The following SORCS1 variants were observed in gnomAD, a reference collection of about 807,000 sequenced individuals.
The protein encoded by SORCS1 is VPS10 domain-containing receptor SorCS1.
Under a neutral mutation model 146.1 loss-of-function variants are expected in SORCS1, and 60 were observed. The observed-to-expected ratio is 0.41, with a 90% CI of 0.33 to 0.51. SORCS1 has a LOEUF of 0.51. Ranked by LOEUF, SORCS1 falls within the 20% of genes least tolerant of loss-of-function variation. The pLI, the probability that SORCS1 is intolerant of heterozygous loss-of-function variation, is 0.21. For missense variants in SORCS1, 1,352 were observed against 1,487.6 expected (o/e 0.91, Z 1.50); for synonymous variants, 637 against 584.0 (o/e 1.09, Z -1.31).
In SORCS1 at chr10:106,634,423, T is replaced by C. The variant is rs537679003; in HGVS notation, c.2476-5035A>G. Among the ~76,000 whole-genome samples the C allele has an allele frequency of 7.2e-5, 11 of 152,360 alleles. No homozygotes were observed. The East Asian group carries it at 1.9e-3, about 27-fold the overall frequency. ...GGAGATAGAAAGGACAGATGTTATT[T>C]ATGTTTGATATAACAGAAAAACTGG... is the stretch of plus-strand genomic sequence containing the variant. On this transcript the variant is annotated intron_variant, in intron 18 of 25. Coordinates refer to ENST00000263054, the MANE Select transcript of SORCS1 (RefSeq NM_052918.5).
At chr10:106,806,496 A>G in intron 3 of SORCS1, among the ~76,000 whole-genome samples, 5 of 145,460 alleles carry the variant, frequency 3.4e-5, no homozygotes, top group African/African-American at 5.1e-5. Context: ...TTCTGATGAG[A>G]GAGGAAGCCT....
At chr10:107,043,455 C>T (rs1712283671) in intron 1 of SORCS1, among the ~76,000 whole-genome samples, 1 of 152,138 alleles carries the variant, frequency 6.6e-6, no homozygotes, top group African/African-American at 2.4e-5. Context: ...ATAAGGGAAA[C>T]AGGCAATAAC....
At chr10:106,664,806 CTGAT>C (rs572225528) in intron 17 of SORCS1, among the ~76,000 whole-genome samples, 1 of 151,996 alleles carries the variant, frequency 6.6e-6, no homozygotes, top group African/African-American at 2.4e-5. Context: ...ACTTCCTTGA[CTGAT>C]TGAGCTGGTT....
intron 6 of SORCS1, among the ~76,000 whole-genome samples, chr10:106,723,176 TA>T (rs1379998316): frequency 6.6e-6 from 1 of 152,058 alleles, no homozygotes; most frequent in African/African-American, 2.4e-5. Flanking sequence ...TAAAATAAAA[TA>T]AAAAAGAATG....
At chr10:106,916,325 T>C (rs549523052) in intron 2 of SORCS1, among the ~76,000 whole-genome samples, 28 of 152,078 alleles carry the variant, frequency 1.8e-4, no homozygotes, top group Non-Finnish European at 3.5e-4. Flanking sequence ...ATGAATGAAG[T>C]GGAAAGTTGA....
intron 1 of SORCS1, among the ~76,000 whole-genome samples, chr10:107,011,865 T>C (rs967788108): frequency 1.3e-5 from 2 of 152,218 alleles, no homozygotes; most frequent in African/African-American, 4.8e-5. Context: ...TTCTGGGTTA[T>C]AAAACACTAG....
At chr10:106,832,195 T>C (rs1489344011) in intron 2 of SORCS1, among the ~76,000 whole-genome samples, 1 of 150,778 alleles carries the variant, frequency 6.6e-6, no homozygotes, top group East Asian at 1.9e-4. Context: ...TTTTTTTTTT[T>C]TTTTCTTTTT....
intron 6 of SORCS1, among the ~76,000 whole-genome samples, chr10:106,721,635 T>C (rs1003038244): frequency 6.6e-6 from 1 of 152,240 alleles, no homozygotes; most frequent in Non-Finnish European, 1.5e-5. Context: ...GGCATTATGA[T>C]ACTGATAGAC....
chr10:106,611,377 G>A (rs1251626455), intron 22 of SORCS1, among the ~76,000 whole-genome samples: 4 of 152,068 alleles, frequency 2.6e-5, no homozygotes, highest in Non-Finnish European at 5.9e-5. Flanking sequence ...CCTTTTTGGG[G>A]CTGTTACAGT....
At chr10:106,604,263 T>C (rs1846427516) in intron 23 of SORCS1, among the ~76,000 whole-genome samples, 1 of 152,140 alleles carries the variant, frequency 6.6e-6, no homozygotes, top group South Asian at 2.1e-4. Context: ...ATTAAATTAA[T>C]TCAAAAACTC....
At chr10:107,065,415 T>TTTTC (rs151043663) in intron 1 of SORCS1, among the ~76,000 whole-genome samples, 24,188 of 120,428 alleles carry the variant, frequency 0.2, 3,020 homozygotes, top group East Asian at 0.4. Flanking sequence ...TCTCTCTTTC[T>TTTTC]TTTCTTTCTT....
intron 4 of SORCS1, among the ~76,000 whole-genome samples, chr10:106,773,065 A>G (rs1860149358): frequency 6.6e-6 from 1 of 152,224 alleles, no homozygotes; most frequent in Non-Finnish European, 1.5e-5. Flanking sequence ...GACCCTGTTC[A>G]TAGGAATTGC....
At chr10:106,984,025 T>C (rs1956346809) in intron 1 of SORCS1, among the ~76,000 whole-genome samples, 1 of 152,188 alleles carries the variant, frequency 6.6e-6, no homozygotes, top group South Asian at 2.1e-4. Flanking sequence ...AAATTGTAAA[T>C]GCAGGAACTA....
chr10:106,787,313 T>C (rs112056288), intron 3 of SORCS1, among the ~76,000 whole-genome samples: 75 of 152,264 alleles, frequency 4.9e-4, no homozygotes, highest in African/African-American at 1.8e-3. Flanking sequence ...GATCTTAAAA[T>C]AAACCTAATG....
At chr10:106,588,836 GGGT>G (rs1189460721) in intron 24 of SORCS1, among the ~76,000 whole-genome samples, 2 of 134,764 alleles carry the variant, frequency 1.5e-5, no homozygotes, top group African/African-American at 5.8e-5. Flanking sequence ...ACTCCAGCCT[GGGT>G]GACAGGGCAA....
intron 1 of SORCS1, among the ~76,000 whole-genome samples, chr10:107,015,071 C>A (rs1329435396): frequency 1.3e-5 from 2 of 152,156 alleles, no homozygotes; most frequent in Non-Finnish European, 1.5e-5. Flanking sequence ...AGGGCAGCTA[C>A]AACCTTTCAC....
At chr10:106,769,450 A>T (rs1859830055) in intron 4 of SORCS1, among the ~76,000 whole-genome samples, 1 of 148,406 alleles carries the variant, frequency 6.7e-6, no homozygotes, top group South Asian at 2.1e-4. Context: ...GCGCCATTGC[A>T]CTCCAGCCTG....
intron 1 of SORCS1, among the ~76,000 whole-genome samples, chr10:107,023,949 A>C (rs1958269011): frequency 6.6e-6 from 1 of 152,058 alleles, no homozygotes; most frequent in African/African-American, 2.4e-5. Context: ...AGAGAGGTTC[A>C]GGTCATTTGA....
intron 3 of SORCS1, among the ~76,000 whole-genome samples, chr10:106,827,877 A>G (rs1948368730): frequency 6.6e-6 from 1 of 152,196 alleles, no homozygotes; most frequent in South Asian, 2.1e-4. Context: ...TTAAAATCCA[A>G]TTACTCAGTA....
Sources: allele counts gnomAD v4.1 joint callset (sites outside exome capture counted in the v4.1 genomes callset), GRCh38; gene constraint gnomAD v4.1.1; transcripts MANE v1.5; gene names NCBI Gene and HGNC (gene_info 2026-07-23, HGNC 2026-07-21).